CCDC7: variants seen among roughly 807,000 people sequenced by gnomAD.
CCDC7 encodes the protein coiled-coil domain-containing protein 7.
A neutral mutation model predicts 196.9 loss-of-function variants in CCDC7; 183 were observed. The observed-to-expected ratio is 0.93, with a 90% CI of 0.82 to 1.05. CCDC7 has a LOEUF of 1.05. Ranked by LOEUF, CCDC7 falls within the 50% of genes least tolerant of loss-of-function variation. The pLI is 0.00. For synonymous variants in CCDC7, 525 were observed against 484.6 expected, an observed-to-expected ratio of 1.08 and a Z score of -1.10; for missense variants, 1,540 against 1,482.2, an observed-to-expected ratio of 1.04 and a Z score of -0.64.
chr10:32,598,769 A>G, intron 18 of CCDC7, among the ~76,000 whole-genome samples: 1 of 152,350 alleles, frequency 6.6e-6, no homozygotes, highest in Middle Eastern at 3.4e-3. Context: ...TATATTAGAA[A>G]AGATACTTCA....
chr10:32,637,604 C>G (rs1049070585), intron 20 of CCDC7, among the ~76,000 whole-genome samples: 1 of 152,140 alleles, frequency 6.6e-6, no homozygotes, highest in African/African-American at 2.4e-5. Context: ...TGTTTTGGTA[C>G]CGGTACCATG....
intron 22 of CCDC7, among the ~76,000 whole-genome samples, chr10:32,688,770 T>C (rs1396478416): frequency 6.6e-6 from 1 of 152,200 alleles, no homozygotes; most frequent in African/African-American, 2.4e-5. Flanking sequence ...CATTGTTTGG[T>C]CTATGTATAC....
intron 18 of CCDC7, among the ~76,000 whole-genome samples, chr10:32,600,671 C>A (rs1328417949): frequency 1.3e-5 from 2 of 152,108 alleles, no homozygotes; most frequent in Admixed American, 6.5e-5. Context: ...AAAATTACAT[C>A]TTTATATATT....
intron 20 of CCDC7, among the ~76,000 whole-genome samples, chr10:32,662,282 G>C (rs1196143635): frequency 6.6e-6 from 1 of 152,178 alleles, no homozygotes; most frequent in African/African-American, 2.4e-5. Context: ...CCTCTTCAGT[G>C]CCTCTTTCAA....
chr10:32,577,316 C>G (rs976618383), intron 16 of CCDC7, among the ~76,000 whole-genome samples: 1 of 151,926 alleles, frequency 6.6e-6, no homozygotes, highest in Non-Finnish European at 1.5e-5. Context: ...GAGCTGAGAT[C>G]GTGCCACTGG....
At chr10:32,723,914 G>C (rs1316871620) in intron 25 of CCDC7, among the ~76,000 whole-genome samples, 1 of 151,918 alleles carries the variant, frequency 6.6e-6, no homozygotes, top group Non-Finnish European at 1.5e-5. Flanking sequence ...TAGTAACTGG[G>C]TGCAACTCAG....
chr10:32,837,402 G>A (rs1303534049), intron 33 of CCDC7, among the ~76,000 whole-genome samples: 4 of 151,900 alleles, frequency 2.6e-5, no homozygotes, highest in East Asian at 3.9e-4. Flanking sequence ...TTAGAATGGC[G>A]ATCATTAAAA....
rs568078122 is a variant in CCDC7, at chr10:32,596,403, C to T, written c.1801+12099C>T. Among the ~76,000 whole-genome samples the T allele has an allele frequency of 2.0e-5, 3 of 152,236 alleles. No homozygotes were observed. In the South Asian group the frequency reaches 6.2e-4, roughly 32 times the overall value. On this transcript the variant is annotated intron_variant, in intron 18 of 41. Transcript: ENST00000639629. Reference sequence around the variant, plus strand: ...ATTTGCTTGGTAGATCTTCCTCCATCCCTTTTTTTTGAGCCTATGTGTGTC... The same window carrying T: ...ATTTGCTTGGTAGATCTTCCTCCATTCCTTTTTTTTGAGCCTATGTGTGTC...
chr10:32,876,825 A>C (rs1483629126), downstream of CCDC7: 2 of 154,490 alleles, frequency 1.3e-5, no homozygotes, highest in Non-Finnish European at 2.9e-5. Context: ...TAATAATTTT[A>C]AAGATGTGAT....
At chr10:32,489,574 C>T (rs1181565371) in intron 8 of CCDC7, among the ~76,000 whole-genome samples, 2 of 152,156 alleles carry the variant, frequency 1.3e-5, no homozygotes, top group Non-Finnish European at 2.9e-5. Flanking sequence ...ATGGTGCAGC[C>T]TTAGAGATGT....
intron 31 of CCDC7, among the ~76,000 whole-genome samples, chr10:32,821,502 C>G (rs566665585): frequency 6.6e-6 from 1 of 152,310 alleles, no homozygotes; most frequent in South Asian, 2.1e-4. Flanking sequence ...GCTATAAATA[C>G]ACATGCACGC....
At chr10:32,702,604 A>G (rs980759720) in intron 24 of CCDC7, among the ~76,000 whole-genome samples, 1 of 152,044 alleles carries the variant, frequency 6.6e-6, no homozygotes, top group Non-Finnish European at 1.5e-5. Context: ...TGATCTGTCT[A>G]ATGTTGACAG....
chr10:32,660,522 T>C lies in CCDC7; in HGVS notation c.2015-3532T>C, dbSNP rs548271211. On this transcript the variant is annotated intron_variant, in intron 20 of 41. Transcript: ENST00000639629. ...TGCCACATTTTCTTAATCCAGTCTA[T>C]CATTATTGGACATTTGGGTTGGTTC... Among the ~76,000 whole-genome samples, 2 of 125,880 alleles carry C rather than the reference T, an allele frequency of 1.6e-5. 1 individual carries two copies. 82.6% of individuals were successfully genotyped at this position (125,880 alleles called of 152,430 possible). A position where few individuals can be genotyped will look rare whatever the true frequency, so the allele number is the denominator to read the frequency against.
chr10:32,611,446 T>C, intron 18 of CCDC7, among the ~76,000 whole-genome samples: 1 of 152,250 alleles, frequency 6.6e-6, no homozygotes, highest in Non-Finnish European at 1.5e-5. Flanking sequence ...TTGTCAGTTT[T>C]GGCTTTTGTT....
At chr10:32,592,623 A>T (rs1019023634) in intron 18 of CCDC7, among the ~76,000 whole-genome samples, 1 of 152,134 alleles carries the variant, frequency 6.6e-6, no homozygotes, top group Non-Finnish European at 1.5e-5. Context: ...ATATGTATAC[A>T]TGTGCCATAT....
chr10:32,526,403 A>T (rs1054665940), intron 11 of CCDC7, among the ~76,000 whole-genome samples: 5 of 152,010 alleles, frequency 3.3e-5, no homozygotes, highest in African/African-American at 9.7e-5. Context: ...TCGTTGTTCT[A>T]CCCCACTGTG....
chr10:32,637,705 T>C (rs1176052581), intron 20 of CCDC7, among the ~76,000 whole-genome samples: 1 of 152,096 alleles, frequency 6.6e-6, no homozygotes, highest in Non-Finnish European at 1.5e-5. Context: ...ATTGACTTGG[T>C]GATGTGGGCT....
upstream of CCDC7, chr10:32,451,583 T>G: frequency 6.6e-7 from 1 of 1,518,792 alleles, no homozygotes; most frequent in Non-Finnish European, 8.8e-7. Context: ...CTCTTATTTT[T>G]TTTCACAGGG....
At chr10:32,509,980 G>A (rs1266453189) in intron 9 of CCDC7, among the ~76,000 whole-genome samples, 1 of 152,146 alleles carries the variant, frequency 6.6e-6, no homozygotes, top group East Asian at 1.9e-4. Context: ...GTATGGAAGT[G>A]CATAAAAATT....
Sources: allele counts gnomAD v4.1 joint callset (sites outside exome capture counted in the v4.1 genomes callset), GRCh38; gene constraint gnomAD v4.1.1; transcripts MANE v1.5; gene names NCBI Gene and HGNC (gene_info 2026-07-23, HGNC 2026-07-21).